The following HADHB variants were observed in gnomAD, a reference collection of about 807,000 sequenced individuals.
HADHB encodes the protein trifunctional enzyme subunit beta, mitochondrial.
HADHB carries 50 observed loss-of-function variants against 61.9 expected under a neutral mutation model. The ratio of observed to expected loss-of-function variants is 0.81; its 90% confidence interval spans 0.64 to 1.02. The LOEUF (loss-of-function observed/expected upper bound fraction) is 1.02, where lower values mean the gene tolerates loss of function less well. Among genes scored for constraint, HADHB ranks in the 50% least tolerant of loss-of-function variants. The pLI is 0.00. For missense variants in HADHB, 504 were observed against 586.5 expected (o/e 0.86, Z 1.45); for synonymous variants, 191 against 201.6 (o/e 0.95, Z 0.45).
intron 10 of HADHB, among the ~76,000 whole-genome samples, chr2:26,281,196 A>G (rs1434552120): frequency 2.0e-5 from 3 of 152,012 alleles, no homozygotes; most frequent in Non-Finnish European, 4.4e-5. Flanking sequence ...TCAATTAAAC[A>G]TCTTTATTGA....
chr2:26,244,940 C>T lies in HADHB; in HGVS notation c.-59C>T, dbSNP rs773668550. The T allele has an allele frequency of 2.7e-5, 11 of 411,614 alleles. No homozygotes were observed. The highest frequency in any genetic ancestry group is 3.2e-5 in the Non-Finnish European group (7 of 217,044). 25.5% of individuals were successfully genotyped at this position (411,614 alleles called of 1,614,324 possible). A position where few individuals can be genotyped will look rare whatever the true frequency, so the allele number is the denominator to read the frequency against. ...CCCTTGGTCCCGCAGAGCCTTGGTACTTGGACCTGAACCTTGCTCCGAGAG... is the reference window on the plus strand; with the variant it reads ...CCCTTGGTCCCGCAGAGCCTTGGTATTTGGACCTGAACCTTGCTCCGAGAG... On this transcript the variant is annotated 5_prime_UTR_variant, in exon 1 of 16. Coordinates refer to ENST00000317799, the MANE Select transcript of HADHB (RefSeq NM_000183.3).
At chr2:26,262,054 C>G (rs910282970) in intron 3 of HADHB, among the ~76,000 whole-genome samples, 1 of 152,166 alleles carries the variant, frequency 6.6e-6, no homozygotes, top group Non-Finnish European at 1.5e-5. Flanking sequence ...TCACCAGCAG[C>G]ACTTCTCCAT....
chr2:26,267,850 T>C (rs2147814363), intron 4 of HADHB, among the ~76,000 whole-genome samples: 1 of 148,458 alleles, frequency 6.7e-6, no homozygotes, highest in East Asian at 2.0e-4. Flanking sequence ...GATTAATAAA[T>C]ATAGGAGGAC....
At chr2:26,254,140 A>C (rs1671516541) in intron 1 of HADHB, 107 bp from the exon 2 acceptor site, 1 of 723,008 alleles carries the variant, frequency 1.4e-6, no homozygotes, top group Non-Finnish European at 2.5e-6. Flanking sequence ...ATTAAGTTTT[A>C]ATGTTTTCTA....
intron 10 of HADHB, among the ~76,000 whole-genome samples, chr2:26,282,257 T>C (rs1029848901): frequency 4.1e-5 from 6 of 146,144 alleles, no homozygotes; most frequent in Admixed American, 6.8e-5. Flanking sequence ...CTTTCTTTTT[T>C]TTTTTTTTTT....
At chr2:26,280,243 G>A (rs1672730973) in intron 10 of HADHB, 128 bp downstream of exon 10, 4 of 813,870 alleles carry the variant, frequency 4.9e-6, no homozygotes, top group Non-Finnish European at 8.3e-6. Context: ...TCATTTTAAT[G>A]TGAAAGTGGA....
Position 26,282,872 on chromosome 2 carries a change from A to G in HADHB, c.961A>G (p.Met321Val). 6.2e-7 allele frequency: 1 copy of G among 1,613,214 alleles called. No homozygotes were observed. The highest frequency in any genetic ancestry group is 8.5e-7 in the Non-Finnish European group (1 of 1,179,342). The change falls in exon 11 of 16, where the codon ATG becomes GTG. Residue 321 changes from methionine (M) to valine (V), a missense_variant. Met to Val is a conservative substitution (Grantham distance 21). Coordinates refer to ENST00000317799, the MANE Select transcript of HADHB (RefSeq NM_000183.3). The part of the protein sequence containing the change: ...LTDGASAMLI[M>V]AEEKALAMGY... Reference sequence around the variant, plus strand: ...TGATGGTGCATCTGCAATGTTAATCATGGCGGAGGAAAAGGCTCTGGCCAT... The same window carrying G: ...TGATGGTGCATCTGCAATGTTAATCGTGGCGGAGGAAAAGGCTCTGGCCAT...
At chr2:26,269,741 CAGG>C (rs1672261842) in intron 4 of HADHB, among the ~76,000 whole-genome samples, 1 of 152,166 alleles carries the variant, frequency 6.6e-6, no homozygotes, top group South Asian at 2.1e-4. Flanking sequence ...TTAGCAAGCT[CAGG>C]AGGAGTTAAG....
intron 3 of HADHB, among the ~76,000 whole-genome samples, chr2:26,262,020 A>T (rs1310511079): frequency 6.6e-6 from 1 of 151,920 alleles, no homozygotes; most frequent in Non-Finnish European, 1.5e-5. Context: ...CTCTTTGCTT[A>T]CCTCCTTGTT....
intron 3 of HADHB, chr2:26,254,796 A>G (rs887727995): frequency 6.4e-5 from 20 of 313,944 alleles, no homozygotes; most frequent in African/African-American, 4.3e-4. Context: ...ATGGCATACA[A>G]ATGCTCTTGA....
chr2:26,249,100 A>G (rs1304548908), intron 1 of HADHB, among the ~76,000 whole-genome samples: 1 of 152,098 alleles, frequency 6.6e-6, no homozygotes, highest in Non-Finnish European at 1.5e-5. Context: ...GTGAGGTTGA[A>G]CATTATACAT....
chr2:26,285,396 G>C lies in HADHB; in HGVS notation c.1225-11G>C. 1 of 1,610,698 alleles carries C rather than the reference G, an allele frequency of 6.2e-7. No homozygotes were observed. ...AACTTATCTTTACATTTGTGTCTTT[G>C]GGGGAGCCAGGTTGGATTGCCTCCT... On this transcript the variant is annotated splice_polypyrimidine_tract_variant and intron_variant, in intron 14 of 15. Coordinates refer to ENST00000317799, the MANE Select transcript of HADHB (RefSeq NM_000183.3).
intron 3 of HADHB, among the ~76,000 whole-genome samples, chr2:26,259,939 G>C (rs1160315594): frequency 6.6e-6 from 1 of 152,180 alleles, no homozygotes; most frequent in Non-Finnish European, 1.5e-5. Flanking sequence ...AGGACTGGGG[G>C]CTGGCTCATC....
At chr2:26,283,802 C>G (rs561758413) in intron 12 of HADHB, among the ~76,000 whole-genome samples, 1 of 152,194 alleles carries the variant, frequency 6.6e-6, no homozygotes. Context: ...TCCACTGTGA[C>G]GTTCACATCA....
intron 4 of HADHB, among the ~76,000 whole-genome samples, chr2:26,264,920 G>A (rs1005229483): frequency 6.6e-6 from 1 of 151,434 alleles, no homozygotes; most frequent in Non-Finnish European, 1.5e-5. Flanking sequence ...AACCCAAGAG[G>A]TGGAGGTTGC....
At chr2:26,284,256 A>G (rs758451661) in intron 13 of HADHB, 52 bp downstream of exon 13, 1 of 1,001,598 alleles carries the variant, frequency 1.0e-6, no homozygotes, top group South Asian at 1.3e-5. Context: ...AAAAAATGTC[A>G]TCCATATTTG....
intron 15 of HADHB, among the ~76,000 whole-genome samples, chr2:26,285,976 G>A (rs951839781): frequency 6.6e-6 from 1 of 151,792 alleles, no homozygotes; most frequent in Non-Finnish European, 1.5e-5. Flanking sequence ...GACTTCAAGT[G>A]ATCCACCCTC....
chr2:26,263,879 A>G (rs561790502), intron 4 of HADHB, among the ~76,000 whole-genome samples: 44 of 152,236 alleles, frequency 2.9e-4, no homozygotes, highest in Admixed American at 2.2e-3. Context: ...CCTCCTGGAA[A>G]TTATTAAAAT....
Position 26,285,541 on chromosome 2 carries a change from C to T in HADHB, c.1359C>T (p.Gly453=), listed in dbSNP as rs1279569475. The T allele has an allele frequency of 2.2e-5, 35 of 1,613,808 alleles. No individual in the cohort carries two copies. The highest frequency in any genetic ancestry group is 2.8e-5 in the Non-Finnish European group (33 of 1,179,950). Residue 453 remains glycine (G), a synonymous_variant, in exon 15 of 16, where the codon GGC becomes GGT. Coordinates refer to ENST00000317799, the MANE Select transcript of HADHB (RefSeq NM_000183.3). ...TACGGAAAGAAGGAGGCCAGTATGGCTTAGTGGCTGCGTGTGCAGCTGGAG... is the reference window on the plus strand; with the variant it reads ...TACGGAAAGAAGGAGGCCAGTATGGTTTAGTGGCTGCGTGTGCAGCTGGAG... The part of the protein sequence containing the change: ...NRLRKEGGQY[G]LVAACAAGGQ...
Sources: allele counts gnomAD v4.1 joint callset (sites outside exome capture counted in the v4.1 genomes callset), GRCh38; gene constraint gnomAD v4.1.1; transcripts MANE v1.5; gene names NCBI Gene and HGNC (gene_info 2026-07-23, HGNC 2026-07-21).